The following TOR1AIP2 variants were observed in gnomAD, a reference collection of about 807,000 sequenced individuals.
TOR1AIP2 encodes the protein torsin-1A-interacting protein 2.
Under a neutral mutation model 32.6 loss-of-function variants are expected in TOR1AIP2, and 20 were observed. The observed-to-expected ratio is 0.61, with a 90% CI of 0.43 to 0.89. The LOEUF (loss-of-function observed/expected upper bound fraction) is 0.89. Among genes scored for constraint, TOR1AIP2 ranks in the 40% least tolerant of loss-of-function variants. The pLI, the probability that TOR1AIP2 is intolerant of heterozygous loss-of-function variation, is 0.00. For missense variants in TOR1AIP2, 456 were observed against 553.8 expected (o/e 0.82, Z 1.77); for synonymous variants, 214 against 210.8 (o/e 1.02, Z -0.13).
At position 179,845,164 on chromosome 1, in the gene TOR1AIP2, A is replaced by T. The variant is rs1431354795; in HGVS notation, c.*907T>A. Reference sequence around the variant, plus strand: ...TTAAACATATTTCCTATCTTCTAAGATGTTTTTTCACTTAATCAATGGTTT... The same window carrying T: ...TTAAACATATTTCCTATCTTCTAAGTTGTTTTTTCACTTAATCAATGGTTT... On this transcript the variant is annotated 3_prime_UTR_variant, in exon 7 of 7. Transcript: ENST00000609928. The T allele has an allele frequency of 1.3e-5, 2 of 152,192 alleles. No individual in the cohort carries two copies. The highest frequency in any genetic ancestry group is 1.3e-4 in the Admixed American group (2 of 15,276). 9.4% of individuals were successfully genotyped at this position (152,192 alleles called of 1,614,324 possible).
At chr1:179,871,799 A>C (rs1242482853) in intron 2 of TOR1AIP2, among the ~76,000 whole-genome samples, 1 of 152,242 alleles carries the variant, frequency 6.6e-6, no homozygotes, top group African/African-American at 2.4e-5. Flanking sequence ...TAAGTTTCAT[A>C]CACAAAGTGA....
rs1308001247 is a variant in TOR1AIP2, at chr1:179,842,189, T to C, written c.*3882A>G. ...TGCACCCCAGCCTGGATAACAAGAG[T>C]GAAACTCTGTCTCAAAAAAAAAAAA... On this transcript the variant is annotated 3_prime_UTR_variant, in exon 7 of 7. Coordinates refer to ENST00000609928, the MANE Select transcript of TOR1AIP2 (RefSeq NM_001199260.2). The C allele has an allele frequency of 4.8e-5, 7 of 147,134 alleles. No homozygotes were observed. Among genetic ancestry groups the C allele is most frequent in the Non-Finnish European group, 8.9e-5 (6 of 67,114 alleles). The allele number at this position is 147,134 out of a possible 1,614,324, so 9.1% of individuals were successfully genotyped here.
chr1:179,860,754 G>A, intron 3 of TOR1AIP2: 1 of 985,360 alleles, frequency 1.0e-6, no homozygotes, highest in Non-Finnish European at 1.2e-6. Context: ...TGGCTGCAAG[G>A]CCATTATTTT....
chr1:179,876,673 T>G (rs540396899), intron 2 of TOR1AIP2, among the ~76,000 whole-genome samples: 26 of 151,502 alleles, frequency 1.7e-4, no homozygotes, highest in African/African-American at 6.3e-4. Context: ...CATGGATAAC[T>G]GCCACAGCTT....
At chr1:179,873,922 T>C (rs1466637674) in intron 2 of TOR1AIP2, 1 of 152,244 alleles carries the variant, frequency 6.6e-6, no homozygotes, top group Non-Finnish European at 1.5e-5. Context: ...TAGCATTTCC[T>C]TACTTTCAAG....
chr1:179,859,928 T>A (rs1331285903), intron 3 of TOR1AIP2: 1 of 789,486 alleles, frequency 1.3e-6, no homozygotes. Flanking sequence ...CATAGCTCAC[T>A]GAGGCTCAAG....
At chr1:179,868,516 C>T (rs1204852003) in intron 2 of TOR1AIP2, 1 of 152,168 alleles carries the variant, frequency 6.6e-6, no homozygotes, top group Admixed American at 6.5e-5. Context: ...TGAAGATGTG[C>T]ATTTCCTATA....
chr1:179,861,669 G>A, intron 3 of TOR1AIP2: 15 of 985,342 alleles, frequency 1.5e-5, no homozygotes, highest in Non-Finnish European at 1.7e-5. Context: ...TCTTCAGTCT[G>A]ACATGAAATC....
intron 2 of TOR1AIP2, among the ~76,000 whole-genome samples, chr1:179,870,743 T>C (rs965393964): frequency 1.3e-5 from 2 of 152,350 alleles, no homozygotes; most frequent in African/African-American, 4.8e-5. Flanking sequence ...ATACTTTATA[T>C]CCCTATAACA....
chr1:179,876,413 C>G (rs1369393740), intron 2 of TOR1AIP2, among the ~76,000 whole-genome samples: 1 of 152,154 alleles, frequency 6.6e-6, no homozygotes, highest in Admixed American at 6.5e-5. Flanking sequence ...ATGAGTCACG[C>G]AAGGTTGCGT....
At chr1:179,860,649 T>A in intron 3 of TOR1AIP2, 1 of 984,902 alleles carries the variant, frequency 1.0e-6, no homozygotes, top group Non-Finnish European at 1.2e-6. Context: ...TAGGTATTAT[T>A]ACACAACCTT....
intron 3 of TOR1AIP2, chr1:179,859,753 C>T (rs117285459): frequency 1.0e-6 from 1 of 985,430 alleles, no homozygotes; most frequent in East Asian, 1.1e-4. Context: ...ACACCCAAGA[C>T]CATCTGACTT....
At chr1:179,873,998 TAA>T (rs1188629230) in intron 2 of TOR1AIP2, 2 of 152,236 alleles carry the variant, frequency 1.3e-5, no homozygotes, top group African/African-American at 4.8e-5. Flanking sequence ...GCCACTTCTC[TAA>T]AAAGTCCTAG....
intron 3 of TOR1AIP2, chr1:179,862,643 C>G: frequency 2.0e-6 from 2 of 985,360 alleles, no homozygotes; most frequent in Non-Finnish European, 2.4e-6. Context: ...GCTAAAAGAG[C>G]CCTGGTCAGG....
chr1:179,863,544 C>T (rs932946649), intron 3 of TOR1AIP2: 16 of 984,550 alleles, frequency 1.6e-5, no homozygotes, highest in Non-Finnish European at 1.9e-5. Context: ...AACATGGATC[C>T]TAGGCCGGGT....
intron 2 of TOR1AIP2, among the ~76,000 whole-genome samples, chr1:179,869,350 G>A (rs945966655): frequency 6.6e-6 from 1 of 152,144 alleles, no homozygotes; most frequent in Non-Finnish European, 1.5e-5. Context: ...TGATGGGAGA[G>A]GGAAGGGTGG....
In TOR1AIP2 at chr1:179,862,119, G is replaced by A. The variant is rs1284811759; in HGVS notation, c.-147+3317C>T. The A allele has an allele frequency of 7.1e-6, 7 of 984,998 alleles. No individual in the cohort carries two copies. In the African/African-American group the frequency reaches 8.7e-5, roughly 12 times the overall value. 61.0% of individuals were successfully genotyped at this position (984,998 alleles called of 1,614,324 possible). The stretch of plus-strand genomic sequence containing the variant: ...ACAAGCTCTCACAGGTACTGCTTAG[G>A]TATTGATTTGAGAAATCAATGATAT... On this transcript the variant is annotated intron_variant, in intron 3 of 6. Coordinates refer to ENST00000609928, the MANE Select transcript of TOR1AIP2 (RefSeq NM_001199260.2).
Position 179,861,083 on chromosome 1 carries a change from G to A in TOR1AIP2, c.-147+4353C>T, listed in dbSNP as rs551848233. 18 of 985,244 alleles carry A rather than the reference G, an allele frequency of 1.8e-5. No individual in the cohort carries two copies. In the South Asian group the frequency reaches 6.1e-4, roughly 33 times the overall value. 61.0% of individuals were successfully genotyped at this position (985,244 alleles called of 1,614,324 possible). On this transcript the variant is annotated intron_variant, in intron 3 of 6. Coordinates refer to ENST00000609928, the MANE Select transcript of TOR1AIP2 (RefSeq NM_001199260.2). ...CATTAACCTTTTCACTCCCTGGACT[G>A]CCATAAAATAACAGGGAGTAGTTAT... is the stretch of plus-strand genomic sequence containing the variant.
intron 2 of TOR1AIP2, among the ~76,000 whole-genome samples, chr1:179,866,379 A>G (rs1316643822): frequency 6.6e-6 from 1 of 151,962 alleles, no homozygotes; most frequent in Non-Finnish European, 1.5e-5. Context: ...GGCAAGTCTA[A>G]TTGCTCACCA....
Sources: allele counts gnomAD v4.1 joint callset (sites outside exome capture counted in the v4.1 genomes callset), GRCh38; gene constraint gnomAD v4.1.1; transcripts MANE v1.5; gene names NCBI Gene and HGNC (gene_info 2026-07-23, HGNC 2026-07-21).